GREM2: variants seen among roughly 807,000 people sequenced by gnomAD.
GREM2 encodes the protein gremlin-2.
Under a neutral mutation model 14.2 loss-of-function variants are expected in GREM2, and 11 were observed. That is an observed-to-expected ratio of 0.78 (90% CI 0.49 to 1.28). The LOEUF (loss-of-function observed/expected upper bound fraction) is 1.28. Ranked by LOEUF, GREM2 falls within the 50% of genes most tolerant of loss-of-function variation. The pLI, the probability that GREM2 is intolerant of heterozygous loss-of-function variation, is 0.00. For missense variants in GREM2, 210 were observed against 218.5 expected (o/e 0.96, Z 0.24); for synonymous variants, 98 against 97.6 (o/e 1.00, Z -0.02).
At chr1:240,513,591 A>AG (rs1261423354) in intron 1 of GREM2, among the ~76,000 whole-genome samples, 10 of 149,124 alleles carry the variant, frequency 6.7e-5, no homozygotes, top group Non-Finnish European at 1.3e-4. Flanking sequence ...AAAAAAAAAA[A>AG]AAGAAGAAGA....
Position 240,493,495 on chromosome 1 carries a change from AG to A in GREM2, c.-1-20del. The A allele has an allele frequency of 6.3e-7, 1 of 1,586,546 alleles. No homozygotes were observed. The highest frequency in any genetic ancestry group is 8.6e-7 in the Non-Finnish European group (1 of 1,165,690). The stretch of plus-strand genomic sequence containing the variant: ...GAACATCCTGCAAACGAGAAAAGAG[AG>A]GGGCTGGCTGTGAAGGGCCGTAGAG... On this transcript the variant is annotated intron_variant, in intron 1 of 1. Coordinates refer to ENST00000318160, the MANE Select transcript of GREM2 (RefSeq NM_022469.4).
rs1033630749 is a variant in GREM2, at chr1:240,543,642, A to G, written c.-1-50166T>C. 1.3e-5 allele frequency among the ~76,000 whole-genome samples: 2 copies of G among 152,212 alleles called. No homozygotes were observed. The highest frequency in any genetic ancestry group is 6.5e-5 in the Admixed American group (1 of 15,280). Reference sequence around the variant, plus strand: ...TCTAACAATTCCCACAAAAAATTCTATTTAGTTTTAGGAACAAAGCATACC... The same window carrying G: ...TCTAACAATTCCCACAAAAAATTCTGTTTAGTTTTAGGAACAAAGCATACC... On this transcript the variant is annotated intron_variant, in intron 1 of 1. Transcript: ENST00000318160. This position sits in a 1 kb window ranked among gnomAD's most constrained non-coding sequence, Gnocchi z 6.4.
chr1:240,576,162 G>A (rs1374289911), intron 1 of GREM2, among the ~76,000 whole-genome samples: 1 of 152,158 alleles, frequency 6.6e-6, no homozygotes, highest in Admixed American at 6.5e-5. Flanking sequence ...TGTGAGCTCC[G>A]TGATGTACAC....
chr1:240,564,799 C>G (rs905170605), intron 1 of GREM2, among the ~76,000 whole-genome samples: 3 of 152,148 alleles, frequency 2.0e-5, no homozygotes, highest in African/African-American at 7.2e-5. Flanking sequence ...CACAGTTTTC[C>G]TTGCATCAGG....
intron 1 of GREM2, among the ~76,000 whole-genome samples, chr1:240,521,526 G>C (rs1010771670): frequency 4.0e-5 from 6 of 151,734 alleles, no homozygotes; most frequent in Non-Finnish European, 5.9e-5. Context: ...AGCCGAGATG[G>C]CACCACTGCA....
At chr1:240,560,905 C>CT (rs1392104035) in intron 1 of GREM2, among the ~76,000 whole-genome samples, 4 of 152,054 alleles carry the variant, frequency 2.6e-5, no homozygotes, top group Non-Finnish European at 5.9e-5. Flanking sequence ...CACAGCCGCT[C>CT]TTTTTTTCTC....
At chr1:240,561,725 CAA>C (rs1491547553) in intron 1 of GREM2, among the ~76,000 whole-genome samples, 4 of 150,918 alleles carry the variant, frequency 2.7e-5, no homozygotes, top group Non-Finnish European at 2.9e-5. Flanking sequence ...CACACACACA[CAA>C]ACTGCCATAG....
At chr1:240,580,857 A>G (rs1267536267) in intron 1 of GREM2, among the ~76,000 whole-genome samples, 1 of 152,198 alleles carries the variant, frequency 6.6e-6, no homozygotes, top group East Asian at 1.9e-4. Flanking sequence ...ACAGGCATGC[A>G]TCACCATGCC....
intron 1 of GREM2, among the ~76,000 whole-genome samples, chr1:240,554,412 G>C (rs1000628247): frequency 8.8e-6 from 1 of 113,520 alleles, no homozygotes; most frequent in African/African-American, 3.3e-5. Context: ...ACTCCGTCTC[G>C]AAAAAAAAAA....
intron 1 of GREM2, among the ~76,000 whole-genome samples, chr1:240,541,304 G>A (rs1480858404): frequency 6.6e-6 from 1 of 152,160 alleles, no homozygotes; most frequent in Non-Finnish European, 1.5e-5. Context: ...GTCCATCCTG[G>A]GCTGGAGCTG....
At chr1:240,528,868 G>C (rs1169347105) in intron 1 of GREM2, among the ~76,000 whole-genome samples, 1 of 152,118 alleles carries the variant, frequency 6.6e-6, no homozygotes, top group Non-Finnish European at 1.5e-5. Flanking sequence ...GCCACATCAA[G>C]GAGACTCGCT....
chr1:240,493,184 A>G lies in GREM2; in HGVS notation c.292T>C (p.Tyr98His). 6.2e-7 allele frequency: 1 copy of G among 1,614,170 alleles called. No homozygotes were observed. The highest frequency in any genetic ancestry group is 8.5e-7 in the Non-Finnish European group (1 of 1,180,026). ...ATGTAGAAGGAGTTGCACTGGCCGT[A>G]GCAGAAGCGGTTGAGGATGGTGCGG... ...RSRTILNRFC[Y>H]GQCNSFYIPR... The change falls in exon 2 of 2, where the codon TAC (tyrosine) becomes CAC (histidine). Residue 98 changes from tyrosine (Y) to histidine (H), a missense_variant. By Grantham distance (83) the Tyr-to-His change is moderately conservative (BLOSUM62 2). Transcript: ENST00000318160.
intron 1 of GREM2, among the ~76,000 whole-genome samples, chr1:240,599,263 G>T (rs1023158569): frequency 2.6e-4 from 33 of 128,850 alleles, no homozygotes; most frequent in African/African-American, 9.8e-4. Flanking sequence ...GTGAGACTCT[G>T]TCTCAAAAAA....
At chr1:240,594,335 C>T (rs61833680) in intron 1 of GREM2, among the ~76,000 whole-genome samples, 37 of 152,256 alleles carry the variant, frequency 2.4e-4, no homozygotes, top group African/African-American at 7.2e-4. Context: ...TCATGCCACA[C>T]GTGGCAGGCA....
chr1:240,544,094 T>A (rs1678659810), intron 1 of GREM2, among the ~76,000 whole-genome samples: 1 of 151,644 alleles, frequency 6.6e-6, no homozygotes, highest in Non-Finnish European at 1.5e-5. Flanking sequence ...ATAAGTAATC[T>A]AGAGATGGTT....
chr1:240,534,901 C>T (rs559290378), intron 1 of GREM2, among the ~76,000 whole-genome samples: 15 of 152,038 alleles, frequency 9.9e-5, no homozygotes, highest in African/African-American at 3.4e-4. Context: ...AATTTGGTGA[C>T]GCCAGATACT....
intron 1 of GREM2, among the ~76,000 whole-genome samples, chr1:240,563,137 GTGTGTGTGTGAGTGTGTA>G (rs1454931410): frequency 8.1e-6 from 1 of 123,434 alleles, no homozygotes; most frequent in African/African-American, 5.1e-5. Flanking sequence ...GTATGTGTAT[GTGTGTGTGTGAGTGTGTA>G]TGTGTGTACG....
chr1:240,534,913 A>T (rs941297981), intron 1 of GREM2, among the ~76,000 whole-genome samples: 2 of 152,098 alleles, frequency 1.3e-5, no homozygotes, highest in Non-Finnish European at 2.9e-5. Context: ...CCAGATACTT[A>T]GCTACCAACT....
At chr1:240,537,994 A>T (rs1678508964) in intron 1 of GREM2, among the ~76,000 whole-genome samples, 1 of 152,220 alleles carries the variant, frequency 6.6e-6, no homozygotes, top group African/African-American at 2.4e-5. Context: ...CATTTAAAAA[A>T]CCCGAGTTTT....
Sources: allele counts gnomAD v4.1 joint callset (sites outside exome capture counted in the v4.1 genomes callset), GRCh38; gene constraint gnomAD v4.1.1; non-coding constraint Gnocchi (gnomAD v3.1); transcripts MANE v1.5; gene names NCBI Gene and HGNC (gene_info 2026-07-23, HGNC 2026-07-21).